RAB3GAP2: variants seen among roughly 807,000 people sequenced by gnomAD.
RAB3GAP2 encodes RAB3 GTPase activating non-catalytic protein subunit 2.
Under a neutral mutation model 185.3 loss-of-function variants are expected in RAB3GAP2, and 87 were observed. The observed-to-expected ratio is 0.47, with a 90% CI of 0.39 to 0.56. The LOEUF is 0.56. Ranked by LOEUF, RAB3GAP2 falls within the 20% of genes least tolerant of loss-of-function variation. The pLI is 0.00. For missense variants in RAB3GAP2, 1,492 were observed against 1,638.2 expected (o/e 0.91, Z 1.54); for synonymous variants, 554 against 576.1 (o/e 0.96, Z 0.55).
chr1:220,243,133 T>C (rs1232870319), intron 1 of RAB3GAP2, among the ~76,000 whole-genome samples: 1 of 151,988 alleles, frequency 6.6e-6, no homozygotes, highest in Non-Finnish European at 1.5e-5. Flanking sequence ...GGGGGGCGGA[T>C]CACAAGGTCA....
At chr1:220,157,692 T>C in intron 30 of RAB3GAP2, 110 bp downstream of exon 30, 1 of 1,122,580 alleles carries the variant, frequency 8.9e-7, no homozygotes, top group Admixed American at 2.0e-5. Context: ...AATTTAGAAA[T>C]GAATGAATGA....
At chr1:220,250,159 G>A (rs1368722061) in intron 1 of RAB3GAP2, among the ~76,000 whole-genome samples, 1 of 152,188 alleles carries the variant, frequency 6.6e-6, no homozygotes, top group Non-Finnish European at 1.5e-5. Context: ...AGCCATGAAG[G>A]AGGCCTGGAG....
At chr1:220,254,259 T>G (rs561563425) in intron 1 of RAB3GAP2, 2 of 1,613,530 alleles carry the variant, frequency 1.2e-6, no homozygotes, top group Admixed American at 3.3e-5. Flanking sequence ...TAATGTTGGG[T>G]ACCCAGCTAC....
chr1:220,171,087 C>T lies in RAB3GAP2; in HGVS notation c.2611G>A (p.Ala871Thr). 1.2e-6 allele frequency: 2 copies of T among 1,614,074 alleles called. No individual in the cohort carries two copies. Among genetic ancestry groups the T allele is most frequent in the South Asian group, 1.1e-5 (1 of 91,070 alleles). Residue 871 changes from alanine to threonine, a missense_variant, in exon 24 of 35, where the codon GCC becomes ACC. Physicochemically the swap from Ala to Thr is moderately conservative, Grantham distance 58. Around this residue, in one of 5 missense-constraint regions of RAB3GAP2, gnomAD observed 681 missense variants for 689.1 expected, o/e 0.99. Transcript: ENST00000358951. The stretch of plus-strand genomic sequence containing the variant: ...AGTGCCTCCCAGGAATCAGTGAGGG[C>T]CTCTGAATCAGCACCCAAAACTGTT... ...SQTVLGADSE[A>T]LTDSWEALSL...
At chr1:220,199,401 T>C (rs947441533) in intron 9 of RAB3GAP2, among the ~76,000 whole-genome samples, 6 of 152,194 alleles carry the variant, frequency 3.9e-5, no homozygotes, top group Non-Finnish European at 8.8e-5. Context: ...ACTATATTAA[T>C]TTGGCTTTCA....
In RAB3GAP2 at chr1:220,210,536, T is replaced by C. The variant is rs147981197; in HGVS notation, c.511-47A>G. 1.6e-4 allele frequency: 231 copies of C among 1,423,756 alleles called. No homozygotes were observed. The African/African-American group carries it at 3.1e-3, about 19-fold the overall frequency. The allele number at this position is 1,423,756 out of a possible 1,614,324, so 88.2% of individuals were successfully genotyped here. ...GGCCCTGCTTGTTTTCTTACCAATA[T>C]ACCTTAGCAGGTATGGCCAGGCAAA... On this transcript the variant is annotated intron_variant, in intron 6 of 34. Coordinates refer to ENST00000358951, the MANE Select transcript of RAB3GAP2 (RefSeq NM_012414.4).
At chr1:220,193,158 A>T in intron 13 of RAB3GAP2, 82 bp downstream of exon 13, 1 of 1,516,158 alleles carries the variant, frequency 6.6e-7, no homozygotes, top group Non-Finnish European at 9.1e-7. Context: ...GTTATCATCC[A>T]GAAGCTGAAG....
rs192800667 is a variant in RAB3GAP2, at chr1:220,161,018, T to C, written c.3225+1180A>G. ...CCAAAGTAGTGAAGATCAAAAGTGA[T>C]TGTGGATGTGAGAATGCTGTGAAAC... is the stretch of plus-strand genomic sequence containing the variant. On this transcript the variant is annotated intron_variant, in intron 28 of 34. Transcript: ENST00000358951. 4.3e-3 allele frequency among the ~76,000 whole-genome samples: 649 copies of C among 152,322 alleles called. 3 individuals are homozygous for C. Among genetic ancestry groups the C allele is most frequent in the African/African-American group, 0.015 (615 of 41,576 alleles).
chr1:220,178,050 T>C (rs1401697970), intron 21 of RAB3GAP2, among the ~76,000 whole-genome samples: 1 of 152,038 alleles, frequency 6.6e-6, no homozygotes, highest in Non-Finnish European at 1.5e-5. Context: ...AGCAGGAGAA[T>C]AGAAGCAAAT....
intron 1 of RAB3GAP2, chr1:220,254,452 C>T: frequency 6.2e-7 from 1 of 1,613,376 alleles, no homozygotes; most frequent in South Asian, 1.1e-5. Context: ...TCACGATTTC[C>T]TAAAGTACCT....
intron 9 of RAB3GAP2, among the ~76,000 whole-genome samples, chr1:220,201,140 C>G (rs1004621918): frequency 6.6e-6 from 1 of 152,162 alleles, no homozygotes; most frequent in African/African-American, 2.4e-5. Flanking sequence ...ACCCTCAGTA[C>G]CTAACACAGT....
chr1:220,253,969 T>C (rs17026929), intron 1 of RAB3GAP2: 22 of 1,613,610 alleles, frequency 1.4e-5, no homozygotes, highest in Non-Finnish European at 1.6e-5. Context: ...TCAGCCTCCT[T>C]GGAAGAAAAG....
intron 26 of RAB3GAP2, among the ~76,000 whole-genome samples, chr1:220,166,762 C>T (rs748532382): frequency 6.6e-6 from 1 of 151,720 alleles, no homozygotes; most frequent in Non-Finnish European, 1.5e-5. Flanking sequence ...CGATCTGCCT[C>T]TTTGTTCTTC....
chr1:220,197,953 T>G (rs1658761507), intron 9 of RAB3GAP2, among the ~76,000 whole-genome samples: 1 of 152,108 alleles, frequency 6.6e-6, no homozygotes, highest in Non-Finnish European at 1.5e-5. Context: ...CTTACCACAC[T>G]TAGACCACCA....
Position 220,151,399 on chromosome 1 carries a change from T to TG in RAB3GAP2, c.4033dup (p.Gln1345ProfsTer7). On this transcript the variant is annotated frameshift_variant, in exon 35 of 35. Transcript: ENST00000358951. LOFTEE classifies it high-confidence loss of function. ...TGGCACTTCAGTGTTTTGAAGGTCC[T>TG]GGGGGTCCTGCAAATGGGACACAAA... The TG allele has an allele frequency of 6.2e-7, 1 of 1,614,182 alleles. No homozygotes were observed. Among genetic ancestry groups the TG allele is most frequent in the Non-Finnish European group, 8.5e-7 (1 of 1,180,020 alleles).
intron 1 of RAB3GAP2, among the ~76,000 whole-genome samples, chr1:220,261,784 T>C (rs943379203): frequency 3.9e-5 from 6 of 152,150 alleles, no homozygotes; most frequent in African/African-American, 7.2e-5. Context: ...AAACCATCAA[T>C]GGCTACCCTC....
At chr1:220,200,357 C>T (rs1266352986) in intron 9 of RAB3GAP2, among the ~76,000 whole-genome samples, 1 of 152,174 alleles carries the variant, frequency 6.6e-6, no homozygotes, top group Non-Finnish European at 1.5e-5. Context: ...ATGATGCCCA[C>T]TAAGAGTTTG....
At chr1:220,198,590 G>A (rs944111306) in intron 9 of RAB3GAP2, among the ~76,000 whole-genome samples, 1 of 151,666 alleles carries the variant, frequency 6.6e-6, no homozygotes, top group Non-Finnish European at 1.5e-5. Context: ...TCTCTTTCTC[G>A]CCCTATATCC....
chr1:220,240,612 C>A (rs752226965), intron 1 of RAB3GAP2, among the ~76,000 whole-genome samples: 1 of 152,056 alleles, frequency 6.6e-6, no homozygotes, highest in African/African-American at 2.4e-5. Context: ...TTGAATCATA[C>A]CCTTTCTCTA....
Sources: gnomAD v4.1 joint callset for allele counts (sites outside exome capture counted in the v4.1 genomes callset) on GRCh38, gnomAD v4.1.1 for gene constraint, gnomAD v4.1.1 regional missense constraint, MANE v1.5 for transcripts, NCBI Gene and HGNC (gene_info 2026-07-23, HGNC 2026-07-21) for gene names.